The following AMPD3 variants were observed in gnomAD, a reference collection of about 807,000 sequenced individuals.
AMPD3 encodes the protein AMP deaminase 3.
In AMPD3, 57 loss-of-function variants were observed where a neutral mutation model predicts 82.3. The ratio of observed to expected loss-of-function variants is 0.69; its 90% CI spans 0.56 to 0.86. The LOEUF is 0.86. AMPD3 is among the 40% of genes least tolerant of loss of function. AMPD3 has a pLI of 0.00. For synonymous variants in AMPD3, 381 were observed against 394.7 expected (o/e 0.97, Z 0.41); for missense variants, 870 against 1,003.8 (o/e 0.87, Z 1.80).
intron 10 of AMPD3, chr11:10,499,744 C>G: frequency 2.0e-6 from 2 of 985,448 alleles, no homozygotes; most frequent in Non-Finnish European, 2.4e-6. Context: ...TGCAGGCTGG[C>G]CTCGGCATAG....
Position 10,504,113 on chromosome 11 carries a change from CTCATCTA to C in AMPD3, c.2017-433_2017-427del, listed in dbSNP as rs1471465286. ...TTCCATCTCTGCTTTTAGTACTTTA[CTCATCTA>C]TCTATCTATCTATCTATCTATCTAT... On this transcript the variant is annotated intron_variant, in intron 13 of 14. Coordinates refer to ENST00000396553, the MANE Select transcript of AMPD3 (RefSeq NM_001025389.2). 6 of 812,146 alleles carry C rather than the reference CTCATCTA, an allele frequency of 7.4e-6. No individual in the cohort carries two copies. The African/African-American group carries it at 1.2e-4, about 17-fold the overall frequency. 50.3% of individuals were successfully genotyped at this position (812,146 alleles called of 1,614,324 possible). A position where few individuals can be genotyped will look rare whatever the true frequency, so the allele number is the denominator to read the frequency against.
chr11:10,461,266 T>A (rs963741720), intron 1 of AMPD3: 1 of 1,429,310 alleles, frequency 7.0e-7, no homozygotes, highest in Admixed American at 2.1e-5. Context: ...CCCACCTAGT[T>A]GAACAGTTCA....
At chr11:10,481,802 T>A (rs1341824324) in intron 3 of AMPD3, 1 of 508,486 alleles carries the variant, frequency 2.0e-6, no homozygotes, top group Non-Finnish European at 3.6e-6. Context: ...GGGTTTTCAC[T>A]GGGGCTGGTC....
chr11:10,482,047 T>C lies in AMPD3; in HGVS notation c.427-16T>C. ...CCTGCTGCATGAACCCTTTCCTGCCTGCCTCCCTTCTGCAGATCACTTTGG... is the reference window on the plus strand; with the variant it reads ...CCTGCTGCATGAACCCTTTCCTGCCCGCCTCCCTTCTGCAGATCACTTTGG... On this transcript the variant is annotated splice_polypyrimidine_tract_variant and intron_variant, in intron 3 of 14. Coordinates refer to ENST00000396553, the MANE Select transcript of AMPD3 (RefSeq NM_001025389.2). 1 of 1,614,224 alleles carries C rather than the reference T, an allele frequency of 6.2e-7. No individual in the cohort carries two copies. The highest frequency in any genetic ancestry group is 8.5e-7 in the Non-Finnish European group (1 of 1,180,040).
At chr11:10,486,099 C>T (rs12419888) in intron 5 of AMPD3, among the ~76,000 whole-genome samples, 59,647 of 151,942 alleles carry the variant, frequency 0.39, 12,243 homozygotes, top group South Asian at 0.54. Flanking sequence ...AGGGCAGGGG[C>T]GGTTCCTCAG....
intron 13 of AMPD3, 189 bp from the exon 14 acceptor site, chr11:10,504,360 C>T (rs573207531): frequency 4.1e-6 from 2 of 487,534 alleles, no homozygotes; most frequent in South Asian, 1.7e-4. Context: ...TTAGATCTCT[C>T]TTTGATAACC....
chr11:10,487,418 A>G lies in AMPD3; in HGVS notation c.939+54A>G. 5 of 1,609,366 alleles carry G rather than the reference A, an allele frequency of 3.1e-6. No individual in the cohort carries two copies. In the South Asian group the frequency reaches 4.4e-5, roughly 14 times the overall value. On this transcript the variant is annotated intron_variant, in intron 6 of 14. Transcript: ENST00000396553. Reference sequence around the variant, plus strand: ...CCTCACCCGGTCCCCCTCCCAGCCCATGGGATGCCCTGAGCCAGTCTGAGG... The same window carrying G: ...CCTCACCCGGTCCCCCTCCCAGCCCGTGGGATGCCCTGAGCCAGTCTGAGG...
intron 8 of AMPD3, 55 bp from the exon 9 acceptor site, chr11:10,495,515 A>C (rs576121702): frequency 4.3e-6 from 7 of 1,611,534 alleles, no homozygotes; most frequent in Non-Finnish European, 5.1e-6. Context: ...GGAGAGTGAG[A>C]GTCTCCCATG....
At chr11:10,489,312 C>T (rs1253046352) in intron 6 of AMPD3, among the ~76,000 whole-genome samples, 1 of 152,198 alleles carries the variant, frequency 6.6e-6, no homozygotes, top group African/African-American at 2.4e-5. Context: ...CCTGAGCATA[C>T]GTGAATGCTC....
intron 2 of AMPD3, among the ~76,000 whole-genome samples, chr11:10,472,210 G>A (rs936393991): frequency 4.6e-5 from 7 of 151,908 alleles, no homozygotes; most frequent in Non-Finnish European, 8.8e-5. Context: ...ACCAAACATC[G>A]CATGTTCTCA....
rs188190601 is a variant in AMPD3, at chr11:10,472,488, T to G, written c.222-6038T>G. On this transcript the variant is annotated intron_variant, in intron 2 of 14. Transcript: ENST00000396553. ...GATATAGAGGGAAAAATTTTATTAG[T>G]TGAAAAATTTGGCTATCTAGGACAG... Among the ~76,000 whole-genome samples the G allele has an allele frequency of 7.2e-5, 11 of 152,284 alleles. No homozygotes were observed. The East Asian group carries it at 2.1e-3, about 29-fold the overall frequency.
chr11:10,486,251 G>A (rs73409979), intron 5 of AMPD3, among the ~76,000 whole-genome samples: 1,651 of 152,256 alleles, frequency 0.011, 26 homozygotes, highest in East Asian at 0.04. Flanking sequence ...GTCCACTCTG[G>A]GGCTTGTCTG....
At chr11:10,488,477 AGAGAG>A in intron 6 of AMPD3, 1 of 878,706 alleles carries the variant, frequency 1.1e-6, no homozygotes, top group Non-Finnish European at 1.3e-6. Flanking sequence ...GAGAGAGTCG[AGAGAG>A]TCAGAACAGT....
chr11:10,505,475 C>G (rs1849693507), intron 14 of AMPD3: 1 of 982,130 alleles, frequency 1.0e-6, no homozygotes, highest in South Asian at 4.7e-5. Flanking sequence ...AAGGAAAGCA[C>G]AGCCAGGAAT....
chr11:10,451,694 G>A (rs532505573), upstream of AMPD3, among the ~76,000 whole-genome samples: 19 of 152,316 alleles, frequency 1.2e-4, no homozygotes, highest in African/African-American at 4.3e-4. Flanking sequence ...AAAGCTTGAT[G>A]GCGACACATC....
intron 3 of AMPD3, among the ~76,000 whole-genome samples, chr11:10,480,912 A>G (rs1848885752): frequency 6.6e-6 from 1 of 152,234 alleles, no homozygotes; most frequent in East Asian, 1.9e-4. Flanking sequence ...TGTCTCCCCA[A>G]GCATATTTCT....
chr11:10,495,473 G>A, intron 8 of AMPD3, 97 bp from the exon 9 acceptor site: 1 of 1,601,450 alleles, frequency 6.2e-7, no homozygotes, highest in Non-Finnish European at 8.5e-7. Flanking sequence ...GGAGCAAGGT[G>A]GCTGGGGGAG....
chr11:10,505,077 T>C lies in AMPD3; in HGVS notation c.2127+418T>C, dbSNP rs531682000. ...ATAGTCCCTGGCACATAGCAGGCGC[T>C]CAATATTTCTTGAATAGATGAACAG... On this transcript the variant is annotated intron_variant, in intron 14 of 14. Transcript: ENST00000396553. The C allele has an allele frequency of 2.6e-5, 25 of 980,258 alleles. No homozygotes were observed. The African/African-American group carries it at 4.4e-4, about 17-fold the overall frequency. 60.7% of individuals were successfully genotyped at this position (980,258 alleles called of 1,614,324 possible).
rs1010038896 is a variant in AMPD3, at chr11:10,502,323, C to T, written c.1843-398C>T. 1.1e-5 allele frequency: 11 copies of T among 985,326 alleles called. No individual in the cohort carries two copies. In the African/African-American group the frequency reaches 1.6e-4, roughly 14 times the overall value. 61.0% of individuals were successfully genotyped at this position (985,326 alleles called of 1,614,324 possible). The stretch of plus-strand genomic sequence containing the variant: ...GGAGCTGGAGTGTTTATAGTCTCAA[C>T]CTGGCTGTTTGCAGTCAAAGCAATA... On this transcript the variant is annotated intron_variant, in intron 12 of 14. Transcript: ENST00000396553.
Sources: allele counts gnomAD v4.1 joint callset (sites outside exome capture counted in the v4.1 genomes callset), GRCh38; gene constraint gnomAD v4.1.1; transcripts MANE v1.5; gene names NCBI Gene and HGNC (gene_info 2026-07-23, HGNC 2026-07-21).